The following CLDN14 variants were observed in gnomAD, a reference collection of about 807,000 sequenced individuals.
CLDN14 encodes the protein claudin-14.
A neutral mutation model predicts 2.1 loss-of-function variants in CLDN14; 2 were observed. That is an observed-to-expected ratio of 0.96 (90% CI 0.39 to 3.01). The LOEUF (loss-of-function observed/expected upper bound fraction) is 3.01. Ranked by LOEUF, CLDN14 falls within the 30% of genes most tolerant of loss-of-function variation. The probability of loss-of-function intolerance (pLI) is 0.09; values close to 1 mark genes in which losing one functional copy is unlikely to be tolerated. For synonymous variants in CLDN14, 136 were observed against 154.4 expected, an observed-to-expected ratio of 0.88 and a Z score of 0.88; for missense variants, 298 against 328.0, an observed-to-expected ratio of 0.91 and a Z score of 0.71.
At chr21:36,472,450 A>G (rs1260706459) in intron 1 of CLDN14, among the ~76,000 whole-genome samples, 1 of 152,184 alleles carries the variant, frequency 6.6e-6, no homozygotes, top group East Asian at 1.9e-4. Flanking sequence ...TTTTGTGTCA[A>G]CTTGGCTGGG....
intron 1 of CLDN14, among the ~76,000 whole-genome samples, chr21:36,517,876 A>G (rs1380978240): frequency 6.6e-6 from 1 of 152,160 alleles, no homozygotes; most frequent in Non-Finnish European, 1.5e-5. Context: ...GGCTCACCCA[A>G]TCAGTTGAAG....
chr21:36,558,642 T>G (rs1041122528), intron 1 of CLDN14, among the ~76,000 whole-genome samples: 1 of 152,134 alleles, frequency 6.6e-6, no homozygotes. Context: ...TAAAGGAAAT[T>G]ATTTTTAAAT....
chr21:36,549,643 G>T lies in CLDN14; in HGVS notation c.-220+26768C>A, dbSNP rs1685851206. Reference sequence around the variant, plus strand: ...CAGGCTCAGCCAGAGAGCAGCAGCTGCTGTCAGAAAGATCACGGTTGGCCA... The same window carrying T: ...CAGGCTCAGCCAGAGAGCAGCAGCTTCTGTCAGAAAGATCACGGTTGGCCA... On this transcript the variant is annotated intron_variant, in intron 1 of 2. Transcript: ENST00000342108. Among the ~76,000 whole-genome samples the T allele has an allele frequency of 2.0e-5, 3 of 152,246 alleles. No homozygotes were observed. The South Asian group carries it at 6.2e-4, about 31-fold the overall frequency.
intron 1 of CLDN14, among the ~76,000 whole-genome samples, chr21:36,520,197 T>A (rs2087259661): frequency 6.6e-6 from 1 of 152,166 alleles, no homozygotes; most frequent in Non-Finnish European, 1.5e-5. Flanking sequence ...CTTCCCTCTG[T>A]GGGTCTGTGT....
intron 1 of CLDN14, chr21:36,542,936 C>T (rs2087501696): frequency 6.6e-6 from 1 of 152,606 alleles, no homozygotes; most frequent in Non-Finnish European, 1.5e-5. Context: ...GCCTTGCAGC[C>T]TTGCTGGGAA....
At chr21:36,463,146 C>A (rs980132154) in intron 1 of CLDN14, among the ~76,000 whole-genome samples, 1 of 152,150 alleles carries the variant, frequency 6.6e-6, no homozygotes, top group Admixed American at 6.5e-5. Flanking sequence ...TCAGCGAGAC[C>A]GGGCATTAGC....
Position 36,468,916 on chromosome 21 carries a change from C to T in CLDN14, c.-81-7140G>A, listed in dbSNP as rs1204511836. On this transcript the variant is annotated intron_variant, in intron 1 of 1. Transcript: ENST00000399135. ...CTGGGATTACAGGCCCCCACTACCA[C>T]GTCTGGCTAATTTTTGTATTTTTAG... 4.6e-5 allele frequency among the ~76,000 whole-genome samples: 7 copies of T among 151,944 alleles called. No individual in the cohort carries two copies. In the East Asian group the frequency reaches 7.7e-4, roughly 17 times the overall value.
intron 1 of CLDN14, among the ~76,000 whole-genome samples, chr21:36,535,267 A>G (rs1182232693): frequency 1.3e-5 from 2 of 152,000 alleles, no homozygotes; most frequent in Admixed American, 1.3e-4. Context: ...GCAGGTGCCT[A>G]TAGTCCCATC....
intron 1 of CLDN14, among the ~76,000 whole-genome samples, chr21:36,553,959 C>T (rs984053538): frequency 1.3e-5 from 2 of 152,124 alleles, no homozygotes; most frequent in Non-Finnish European, 2.9e-5. Context: ...ATAGCGTCCT[C>T]GACAGTCCTG....
intron 1 of CLDN14, among the ~76,000 whole-genome samples, chr21:36,471,088 G>T (rs1456193691): frequency 1.3e-5 from 2 of 152,174 alleles, no homozygotes; most frequent in African/African-American, 4.8e-5. Flanking sequence ...ATAAAAACAG[G>T]CCAGGTGCAG....
At chr21:36,573,068 G>A (rs1443572693) in intron 1 of CLDN14, among the ~76,000 whole-genome samples, 2 of 152,194 alleles carry the variant, frequency 1.3e-5, no homozygotes, top group African/African-American at 2.4e-5. Flanking sequence ...TTGGAAGGCC[G>A]AGGCAGGTGG....
At position 36,574,891 on chromosome 21, in the gene CLDN14, T is replaced by A. The variant is rs1245824795; in HGVS notation, c.-220+1520A>T. Among the ~76,000 whole-genome samples, 4 of 152,230 alleles carry A rather than the reference T, an allele frequency of 2.6e-5. No individual in the cohort carries two copies. The East Asian group carries it at 7.7e-4, about 29-fold the overall frequency. ...CAGGCCATGAAAGTCCTTAAAGCTA[T>A]CAAACCAGTTTCCAATGCTTCCTTC... On this transcript the variant is annotated intron_variant, in intron 1 of 2. Transcript: ENST00000342108.
At chr21:36,520,959 C>T (rs536918768) in intron 1 of CLDN14, among the ~76,000 whole-genome samples, 4 of 152,214 alleles carry the variant, frequency 2.6e-5, no homozygotes, top group South Asian at 4.1e-4. Context: ...TCCAAGGTAA[C>T]GTGCTGCAGC....
intron 1 of CLDN14, among the ~76,000 whole-genome samples, chr21:36,531,177 G>A (rs1013277274): frequency 1.3e-5 from 2 of 152,032 alleles, no homozygotes; most frequent in African/African-American, 2.4e-5. Flanking sequence ...GCGGTGAGCC[G>A]AGATCATGCC....
At chr21:36,527,248 G>A (rs16997927) in intron 1 of CLDN14, among the ~76,000 whole-genome samples, 2,599 of 152,236 alleles carry the variant, frequency 0.017, 80 homozygotes, top group African/African-American at 0.058. Context: ...TCTCACCACC[G>A]TCTTTTGATT....
Position 36,538,193 on chromosome 21 carries a change from G to A in CLDN14, c.-219-27693C>T, listed in dbSNP as rs188078736. ...AACACTTATAGATCAACCAGAAATA[G>A]ATGAAATCTGATGGTAACTCATTTT... On this transcript the variant is annotated intron_variant, in intron 1 of 2. Transcript: ENST00000342108. Among the ~76,000 whole-genome samples, 194 of 152,240 alleles carry A rather than the reference G, an allele frequency of 1.3e-3. 1 individual carries two copies. Among genetic ancestry groups the A allele is most frequent in the Non-Finnish European group, 2.2e-3 (153 of 68,028 alleles).
At chr21:36,489,767 G>A (rs149917568) in intron 2 of CLDN14, among the ~76,000 whole-genome samples, 1 of 152,314 alleles carries the variant, frequency 6.6e-6, no homozygotes, top group Non-Finnish European at 1.5e-5. Context: ...CGAGGGAGCT[G>A]TTATCACTGC....
At chr21:36,465,738 G>T (rs2086638105) in intron 1 of CLDN14, among the ~76,000 whole-genome samples, 1 of 152,184 alleles carries the variant, frequency 6.6e-6, no homozygotes, top group African/African-American at 2.4e-5. Context: ...TTCACCTGTG[G>T]GCTACCATTT....
chr21:36,530,827 A>T (rs189237581), intron 1 of CLDN14, among the ~76,000 whole-genome samples: 1 of 152,222 alleles, frequency 6.6e-6, no homozygotes, highest in African/African-American at 2.4e-5. Flanking sequence ...CAGCCCCCCA[A>T]AAAGAAAGAA....
Sources: allele counts gnomAD v4.1 joint callset (sites outside exome capture counted in the v4.1 genomes callset), GRCh38; gene constraint gnomAD v4.1.1; transcripts MANE v1.5; gene names NCBI Gene and HGNC (gene_info 2026-07-23, HGNC 2026-07-21).